Variants in ALS2 observed in about 807,000 individuals in gnomAD.
ALS2 encodes the protein alsin Rho guanine nucleotide exchange factor ALS2, also known as alsin.
A neutral mutation model predicts 203.4 loss-of-function variants in ALS2; 117 were observed. The ratio of observed to expected loss-of-function variants is 0.58; its 90% CI spans 0.50 to 0.67. ALS2 has a LOEUF of 0.67. Ranked by LOEUF, ALS2 falls within the 30% of genes least tolerant of loss-of-function variation. ALS2 has a pLI of 0.00. For synonymous variants in ALS2, 718 were observed against 725.9 expected (o/e 0.99, Z 0.17); for missense variants, 1,715 against 1,989.4 (o/e 0.86, Z 2.62).
intron 29 of ALS2, among the ~76,000 whole-genome samples, 179 bp from the exon 30 acceptor site, chr2:201,705,640 G>A (rs961056716): frequency 6.6e-6 from 1 of 152,078 alleles, no homozygotes; most frequent in Non-Finnish European, 1.5e-5. Context: ...ATCTCCCTAA[G>A]GGATTTGTCA....
intron 10 of ALS2, among the ~76,000 whole-genome samples, chr2:201,742,130 C>T (rs1312266987): frequency 6.6e-6 from 1 of 152,078 alleles, no homozygotes. Flanking sequence ...TAAAGATGAG[C>T]CAAATTTGAG....
intron 4 of ALS2, chr2:201,759,323 G>T: frequency 1.2e-6 from 1 of 859,660 alleles, no homozygotes; most frequent in Non-Finnish European, 1.4e-6. Context: ...TTTCCCAAGT[G>T]AGAGAGTCTC....
intron 13 of ALS2, among the ~76,000 whole-genome samples, chr2:201,729,879 CAAAAAAAAAAAAAAA>C (rs35065446): frequency 2.7e-5 from 2 of 75,220 alleles, no homozygotes; most frequent in Admixed American, 1.9e-4. Flanking sequence ...GACTCCGTCT[CAAAAAAAAAAAAAAA>C]AAAAAAAAAC....
chr2:201,708,015 T>G (rs776801576), intron 27 of ALS2, 24 bp from the exon 28 acceptor site: 5 of 1,601,152 alleles, frequency 3.1e-6, no homozygotes, highest in Non-Finnish European at 4.3e-6. Flanking sequence ...AAAAATATAA[T>G]TATACAATTA....
intron 6 of ALS2, among the ~76,000 whole-genome samples, chr2:201,753,593 AAT>A (rs1693201494): frequency 1.3e-5 from 2 of 152,208 alleles, no homozygotes; most frequent in East Asian, 3.8e-4. Flanking sequence ...CTCTACTATG[AAT>A]ACAGACATTT....
rs1425166713 is a variant in ALS2, at chr2:201,715,653, T to G, written c.4004+19A>C. 1.9e-6 allele frequency: 3 copies of G among 1,613,830 alleles called. No homozygotes were observed. Among genetic ancestry groups the G allele is most frequent in the South Asian group, 2.2e-5 (2 of 91,072 alleles). On this transcript the variant is annotated intron_variant, in intron 25 of 33. Transcript: ENST00000264276. ...CTTCCTAACATGCTCTGCTGTATGT[T>G]GAGCAGGTGTTCACTCACCTGTCTC...
rs553497361 is a variant in ALS2, at chr2:201,725,248, A to G, written c.3347+108T>C. The G allele has an allele frequency of 6.9e-5, 60 of 864,476 alleles. No homozygotes were observed. The South Asian group carries it at 7.8e-4, about 11-fold the overall frequency. 53.6% of individuals were successfully genotyped at this position (864,476 alleles called of 1,614,324 possible). ...TTATTTACTCCTCTAAATTTTATCT[A>G]TAAGACTAAACAAAACTTAAAACTT... On this transcript the variant is annotated intron_variant, in intron 20 of 33. Coordinates refer to ENST00000264276, the MANE Select transcript of ALS2 (RefSeq NM_020919.4).
chr2:201,703,118 A>G (rs1043019791), intron 33 of ALS2, among the ~76,000 whole-genome samples: 1 of 152,220 alleles, frequency 6.6e-6, no homozygotes, highest in African/African-American at 2.4e-5. Flanking sequence ...TCTGTCTCAA[A>G]AAAAAGAAGC....
At position 201,761,209 on chromosome 2, in the gene ALS2, G is replaced by A; in HGVS notation, c.785C>T (p.Thr262Ile). The change falls in exon 4 of 34, where the codon ACA becomes ATA. Residue 262 changes from threonine (T) to isoleucine (I), a missense_variant. Thr to Ile is a moderately conservative substitution (Grantham distance 89). Transcript: ENST00000264276. ...SDSHCCPLGVTLTESQAENHA... is the reference protein window; with the variant it reads ...SDSHCCPLGVILTESQAENHA... ...GTTTTCTGCCTGAGATTCTGTCAGT[G>A]TCACACCTAATGGGCAACAATGACT... 1 of 1,614,196 alleles carries A rather than the reference G, an allele frequency of 6.2e-7. No homozygotes were observed. The highest frequency in any genetic ancestry group is 1.1e-5 in the South Asian group (1 of 91,080).
chr2:201,746,794 G>A, intron 8 of ALS2, 46 bp from the exon 9 acceptor site: 1 of 1,608,336 alleles, frequency 6.2e-7, no homozygotes, highest in Non-Finnish European at 8.5e-7. Flanking sequence ...AAGGCAATCA[G>A]AGAGAACTTC....
intron 20 of ALS2, among the ~76,000 whole-genome samples, chr2:201,724,817 G>GTA (rs550187768): frequency 6.5e-4 from 99 of 152,138 alleles, no homozygotes; most frequent in African/African-American, 2.3e-3. Context: ...GGTTTATAAG[G>GTA]TATATAAAAT....
chr2:201,754,375 G>C (rs1320853644), intron 6 of ALS2, 128 bp downstream of exon 6: 1 of 1,157,004 alleles, frequency 8.6e-7, no homozygotes, highest in South Asian at 1.2e-5. Flanking sequence ...AGAGTTAATG[G>C]TGTGTAATAA....
At chr2:201,766,102 T>C (rs10179579) in intron 3 of ALS2, among the ~76,000 whole-genome samples, 25,723 of 152,166 alleles carry the variant, frequency 0.17, 2,491 homozygotes, top group East Asian at 0.4. Flanking sequence ...GTGTCTGGCA[T>C]ACAACTGCTT....
intron 23 of ALS2, among the ~76,000 whole-genome samples, chr2:201,718,501 T>C (rs1385426498): frequency 6.6e-6 from 1 of 152,160 alleles, no homozygotes; most frequent in Non-Finnish European, 1.5e-5. Flanking sequence ...CCTCAAGTGA[T>C]CCACCCACCT....
intron 4 of ALS2, 109 bp downstream of exon 4, chr2:201,760,770 ACT>A: frequency 6.9e-7 from 1 of 1,456,906 alleles, no homozygotes; most frequent in Non-Finnish European, 9.1e-7. Context: ...TTATAATCAA[ACT>A]CAAAAAATAA....
intron 16 of ALS2, 121 bp from the exon 17 acceptor site, chr2:201,727,399 G>T: frequency 1.1e-6 from 1 of 945,856 alleles, no homozygotes; most frequent in Non-Finnish European, 1.7e-6. Flanking sequence ...TAATGTAAAT[G>T]CTTGCTTGGT....
chr2:201,749,603 A>G, intron 8 of ALS2, 109 bp downstream of exon 8: 1 of 1,066,728 alleles, frequency 9.4e-7, no homozygotes. Flanking sequence ...AAACAAATTT[A>G]GGTTGTACGT....
chr2:201,714,846 G>T (rs1486134859), intron 25 of ALS2, among the ~76,000 whole-genome samples: 4 of 152,178 alleles, frequency 2.6e-5, no homozygotes, highest in African/African-American at 9.7e-5. Context: ...TCTAGGGTGA[G>T]CCCAGGAGTT....
chr2:201,770,694 CAGG>C (rs1242902717), intron 1 of ALS2, among the ~76,000 whole-genome samples: 2 of 152,034 alleles, frequency 1.3e-5, no homozygotes, highest in African/African-American at 4.8e-5. Context: ...AAGAGGGAGG[CAGG>C]AGGAGAATCA....
Sources: allele counts gnomAD v4.1 joint callset (sites outside exome capture counted in the v4.1 genomes callset), GRCh38; gene constraint gnomAD v4.1.1; transcripts MANE v1.5; gene names NCBI Gene and HGNC (gene_info 2026-07-23, HGNC 2026-07-21).